The following NAALAD2 variants were observed in gnomAD, a reference collection of about 807,000 sequenced individuals.
NAALAD2 encodes N-acetylated-alpha-linked acidic dipeptidase 2.
Under a neutral mutation model 95.6 loss-of-function variants are expected in NAALAD2, and 89 were observed. The ratio of observed to expected loss-of-function variants is 0.93; its 90% CI spans 0.78 to 1.11. The LOEUF is 1.11. Among genes scored for constraint, NAALAD2 ranks in the 50% least tolerant of loss-of-function variants. The pLI, the probability that NAALAD2 is intolerant of heterozygous loss-of-function variation, is 0.00. For synonymous variants in NAALAD2, 264 were observed against 294.4 expected (o/e 0.90, Z 1.06); for missense variants, 894 against 872.4 (o/e 1.02, Z -0.31).
Position 90,134,852 on chromosome 11 carries a change from A to G in NAALAD2, c.82+12A>G. On this transcript the variant is annotated intron_variant, in intron 1 of 18. Transcript: ENST00000534061. Reference sequence around the variant, plus strand: ...GGGATTTATGGTGGGTAAGTGAACAAAACACTCTACCCCGACTCCGGGGCT... The same window carrying G: ...GGGATTTATGGTGGGTAAGTGAACAGAACACTCTACCCCGACTCCGGGGCT... The G allele has an allele frequency of 6.2e-7, 1 of 1,613,446 alleles. No individual in the cohort carries two copies. The highest frequency in any genetic ancestry group is 1.1e-5 in the South Asian group (1 of 91,070).
intron 6 of NAALAD2, among the ~76,000 whole-genome samples, chr11:90,155,566 TA>T (rs564696757): frequency 0.013 from 1,124 of 88,656 alleles, 45 homozygotes; most frequent in African/African-American, 0.051. Context: ...GTGTAATATA[TA>T]ATATATAATA....
rs1027416684 is a variant in NAALAD2 at position 90,155,148 on chromosome 11, A to G, written c.796+2664A>G. Reference sequence around the variant, plus strand: ...ATATAATATACGTATACATATGTATATATGTGTGTATATATATTATATACC... The same window carrying G: ...ATATAATATACGTATACATATGTATGTATGTGTGTATATATATTATATACC... On this transcript the variant is annotated intron_variant, in intron 6 of 18. Coordinates refer to ENST00000534061, the MANE Select transcript of NAALAD2 (RefSeq NM_005467.4). 2.3e-5 allele frequency among the ~76,000 whole-genome samples: 3 copies of G among 130,238 alleles called. No individual in the cohort carries two copies. In the East Asian group the frequency reaches 6.6e-4, roughly 28 times the overall value. The allele number at this position is 130,238 out of a possible 152,430, so 85.4% of individuals were successfully genotyped here. A position where few individuals can be genotyped will look rare whatever the true frequency, so the allele number is the denominator to read the frequency against.
intron 2 of NAALAD2, among the ~76,000 whole-genome samples, chr11:90,144,695 T>C (rs1239754434): frequency 7.0e-6 from 1 of 142,244 alleles, no homozygotes; most frequent in Non-Finnish European, 1.5e-5. Flanking sequence ...TAAGTCGAGA[T>C]TGTACCACTG....
In NAALAD2 at chr11:90,134,711, G is replaced by A. The variant is rs751743460; in HGVS notation, c.-48G>A. 5.7e-6 allele frequency: 9 copies of A among 1,590,206 alleles called. No individual in the cohort carries two copies. The highest frequency in any genetic ancestry group is 1.3e-5 in the African/African-American group (1 of 74,386). Reference sequence around the variant, plus strand: ...GCGCTCTCTGTTTCTCTGCAGCCCCGAAGCTCGCGAATGTAGCAGGCGCCC... The same window carrying A: ...GCGCTCTCTGTTTCTCTGCAGCCCCAAAGCTCGCGAATGTAGCAGGCGCCC... On this transcript the variant is annotated 5_prime_UTR_variant, in exon 1 of 19. Coordinates refer to ENST00000534061, the MANE Select transcript of NAALAD2 (RefSeq NM_005467.4).
chr11:90,150,174 C>G (rs997026066), intron 4 of NAALAD2, among the ~76,000 whole-genome samples: 2 of 152,134 alleles, frequency 1.3e-5, no homozygotes, highest in Non-Finnish European at 2.9e-5. Context: ...ATCACTTGAA[C>G]TCAGAAGGTG....
intron 18 of NAALAD2, among the ~76,000 whole-genome samples, chr11:90,187,231 A>C (rs1251520758): frequency 6.6e-6 from 1 of 151,934 alleles, no homozygotes; most frequent in Non-Finnish European, 1.5e-5. Context: ...GTGGGACTGT[A>C]AACTAGTTCA....
At chr11:90,179,842 AG>A (rs760328592) in intron 16 of NAALAD2, among the ~76,000 whole-genome samples, 21 of 152,076 alleles carry the variant, frequency 1.4e-4, no homozygotes, top group Non-Finnish European at 2.9e-4. Context: ...ACCTTCTTAG[AG>A]GCCTGGTTTG....
chr11:90,161,932 A>C (rs1176075607), intron 8 of NAALAD2, among the ~76,000 whole-genome samples: 4 of 152,220 alleles, frequency 2.6e-5, no homozygotes, highest in African/African-American at 9.6e-5. Flanking sequence ...AATGAAAAAA[A>C]AAAAAACATC....
At position 90,150,509 on chromosome 11, in the gene NAALAD2, C is replaced by A; in HGVS notation, c.511C>A (p.Arg171Ser). Residue 171 changes from arginine (R) to serine (S), a missense_variant, in exon 5 of 19, where the codon CGC becomes AGC. Arg to Ser is a moderately radical substitution (Grantham distance 110, BLOSUM62 -1). Transcript: ENST00000534061. Reference sequence around the variant, plus strand: ...AGATCTTGTATATGTGAACTATGCTCGCACTGAAGACTTTTTCAAACTAGA... The same window carrying A: ...AGATCTTGTATATGTGAACTATGCTAGCACTGAAGACTTTTTCAAACTAGA... The part of the protein sequence containing the change: ...EGDLVYVNYA[R>S]TEDFFKLERE... The A allele has an allele frequency of 2.5e-6, 4 of 1,609,668 alleles. No homozygotes were observed. Among genetic ancestry groups the A allele is most frequent in the Non-Finnish European group, 3.4e-6 (4 of 1,177,324 alleles).
intron 18 of NAALAD2, among the ~76,000 whole-genome samples, chr11:90,188,651 A>G (rs540867381): frequency 6.6e-6 from 1 of 152,326 alleles, no homozygotes; most frequent in South Asian, 2.1e-4. Context: ...GTCACACTAG[A>G]AATTAAGTTT....
intron 5 of NAALAD2, among the ~76,000 whole-genome samples, chr11:90,151,385 A>C (rs1951884299): frequency 6.6e-6 from 1 of 152,170 alleles, no homozygotes; most frequent in African/African-American, 2.4e-5. Context: ...AGAATTGATA[A>C]GCCATTTATT....
At chr11:90,145,670 A>G (rs1319105241) in intron 2 of NAALAD2, among the ~76,000 whole-genome samples, 2 of 152,154 alleles carry the variant, frequency 1.3e-5, no homozygotes, top group Non-Finnish European at 2.9e-5. Context: ...AAGAGTCCTT[A>G]TGGATGATTA....
intron 15 of NAALAD2, among the ~76,000 whole-genome samples, chr11:90,177,517 C>T (rs945088343): frequency 7.1e-6 from 1 of 139,944 alleles, no homozygotes; most frequent in Non-Finnish European, 1.5e-5. Context: ...ATAGTGTTTT[C>T]GTTATTAGCG....
chr11:90,184,774 A>G (rs1857076988), intron 18 of NAALAD2, among the ~76,000 whole-genome samples: 1 of 152,012 alleles, frequency 6.6e-6, no homozygotes, highest in African/African-American at 2.4e-5. Context: ...TAATGCACTT[A>G]TATACATGTT....
chr11:90,160,289 C>T (rs886455423), intron 8 of NAALAD2, among the ~76,000 whole-genome samples: 2 of 152,096 alleles, frequency 1.3e-5, no homozygotes, highest in Non-Finnish European at 2.9e-5. Context: ...AGTTGAACAG[C>T]GTGGCATGAT....
Position 90,175,928 on chromosome 11 carries a change from ATGTGTGTGTG to A in NAALAD2, c.1503-29_1503-20del, listed in dbSNP as rs140876943. ...TTAACTTTGTATCATTTACTTGTTTATGTGTGTGTGTGTGTGTGTGTGTGGATTGCATTCT... is the reference window on the plus strand; with the variant it reads ...TTAACTTTGTATCATTTACTTGTTTATGTGTGTGTGTGTGGATTGCATTCT... On this transcript the variant is annotated intron_variant, in intron 14 of 18. Coordinates refer to ENST00000534061, the MANE Select transcript of NAALAD2 (RefSeq NM_005467.4). The A allele has an allele frequency of 5.0e-5, 49 of 972,718 alleles. No individual in the cohort carries two copies. In the African/African-American group the frequency reaches 7.5e-4, roughly 15 times the overall value. The allele number at this position is 972,718 out of a possible 1,614,324, so 60.3% of individuals were successfully genotyped here.
rs750832496 is a variant in NAALAD2, at chr11:90,181,677, G to A, written c.1916G>A (p.Arg639Gln). Reference sequence around the variant, plus strand: ...GAGGCTGCTTCAGATTTTCATAAACGACTTATACAAGTTGATCTTAACAAG... The same window carrying A: ...GAGGCTGCTTCAGATTTTCATAAACAACTTATACAAGTTGATCTTAACAAG... ...FSEAASDFHK[R>Q]LIQVDLNNPI... The change falls in exon 17 of 19, where the codon CGA (arginine) becomes CAA (glutamine). Residue 639 changes from arginine to glutamine, a missense_variant. Coordinates refer to ENST00000534061, the MANE Select transcript of NAALAD2 (RefSeq NM_005467.4). The A allele has an allele frequency of 2.1e-5, 33 of 1,591,286 alleles. No individual in the cohort carries two copies. The Middle Eastern group carries it at 5.2e-4, about 25-fold the overall frequency.
chr11:90,176,498 C>T (rs1398517522), intron 15 of NAALAD2, among the ~76,000 whole-genome samples: 1 of 152,154 alleles, frequency 6.6e-6, no homozygotes, highest in Admixed American at 6.5e-5. Flanking sequence ...ATTGCCACTT[C>T]TGCCTGTCAC....
rs1565521569 is a variant in NAALAD2, at chr11:90,154,934, C to CATATGTATATATTATATACGTATACATA, written c.796+2487_796+2514dup. ...CATATGTATATATTATATACGTATA[C>CATATGTATATATTATATACGTATACATA]ATATGTATATATTATATACGTATAC... On this transcript the variant is annotated intron_variant, in intron 6 of 18. Coordinates refer to ENST00000534061, the MANE Select transcript of NAALAD2 (RefSeq NM_005467.4). Among the ~76,000 whole-genome samples, 28 of 52,362 alleles carry CATATGTATATATTATATACGTATACATA rather than the reference C, an allele frequency of 5.3e-4. 1 individual carries two copies. The highest frequency in any genetic ancestry group is 1.3e-3 in the South Asian group (2 of 1,584). The allele number at this position is 52,362 out of a possible 152,430, so 34.4% of individuals were successfully genotyped here. A position where few individuals can be genotyped will look rare whatever the true frequency, so the allele number is the denominator to read the frequency against.
Sources: allele counts gnomAD v4.1 joint callset (sites outside exome capture counted in the v4.1 genomes callset), GRCh38; gene constraint gnomAD v4.1.1; transcripts MANE v1.5; gene names NCBI Gene and HGNC (gene_info 2026-07-23, HGNC 2026-07-21).